SLC25A23: variants seen among roughly 807,000 people sequenced by gnomAD.
SLC25A23 encodes the protein solute carrier family 25 member 23.
In SLC25A23, 32 loss-of-function variants were observed where a neutral mutation model predicts 53.9. The ratio of observed to expected loss-of-function variants is 0.59; its 90% CI spans 0.45 to 0.80. The LOEUF is 0.80. SLC25A23 is among the 30% of genes least tolerant of loss of function. The pLI is 0.00. For missense variants in SLC25A23, 575 were observed against 651.4 expected (o/e 0.88, Z 1.28); for synonymous variants, 275 against 264.5 (o/e 1.04, Z -0.38).
In SLC25A23 at chr19:6,441,989, C is replaced by A. The variant is rs1599288975; in HGVS notation, c.1393G>T (p.Val465Phe). The change falls in exon 10 of 10, where the codon GTC (valine) becomes TTC (phenylalanine). Residue 465 changes from valine to phenylalanine, a missense_variant. By Grantham distance (50) the Val-to-Phe change is conservative (BLOSUM62 -1). Coordinates refer to ENST00000301454, the MANE Select transcript of SLC25A23 (RefSeq NM_024103.3). Reference protein sequence around the residue: ...VYENMKQALGVTSR With the variant: ...VYENMKQALGFTSR Reference sequence around the variant, plus strand: ...CTCCGGGTCCCTCACCTGGACGTGACCCCCAAGGCCTGCTTCATGTTCTCG... The same window carrying A: ...CTCCGGGTCCCTCACCTGGACGTGAACCCCAAGGCCTGCTTCATGTTCTCG... 2 of 1,613,666 alleles carry A rather than the reference C, an allele frequency of 1.2e-6. No homozygotes were observed. Among genetic ancestry groups the A allele is most frequent in the Non-Finnish European group, 1.7e-6 (2 of 1,179,856 alleles).
At chr19:6,452,909 C>T (rs2092612492) in intron 7 of SLC25A23, among the ~76,000 whole-genome samples, 1 of 152,208 alleles carries the variant, frequency 6.6e-6, no homozygotes, top group African/African-American at 2.4e-5. Context: ...TTTCAGCAAG[C>T]ACACAGCCAC....
chr19:6,458,561 C>T (rs1440809228), intron 1 of SLC25A23, among the ~76,000 whole-genome samples: 1 of 152,228 alleles, frequency 6.6e-6, no homozygotes, highest in Non-Finnish European at 1.5e-5. Context: ...AACTGAGGCT[C>T]TGCAAGGTCA....
rs1235304198 is a variant in SLC25A23, at chr19:6,444,374, C to T, written c.1072-73G>A. 78 of 1,476,274 alleles carry T rather than the reference C, an allele frequency of 5.3e-5. 1 individual carries two copies. Among genetic ancestry groups the T allele is most frequent in the East Asian group, 2.6e-4 (11 of 42,170 alleles). The allele number at this position is 1,476,274 out of a possible 1,614,324, so 91.4% of individuals were successfully genotyped here. A position where few individuals can be genotyped will look rare whatever the true frequency, so the allele number is the denominator to read the frequency against. On this transcript the variant is annotated intron_variant, in intron 8 of 9. Transcript: ENST00000301454. ...ACCCTGGCTTCAAAGGCCTGCTGGC[C>T]GGTTCTGTATCCCATGACAGGTGCT...
At chr19:6,443,064 G>A (rs911594953) in intron 9 of SLC25A23, among the ~76,000 whole-genome samples, 1 of 149,998 alleles carries the variant, frequency 6.7e-6, no homozygotes, top group Admixed American at 6.7e-5. Flanking sequence ...TCAGCCTCTC[G>A]AGTAGCTAAG....
Position 6,454,292 on chromosome 19 carries a change from C to T in SLC25A23, c.795+31G>A. The T allele has an allele frequency of 6.2e-7, 1 of 1,601,008 alleles. No homozygotes were observed. Among genetic ancestry groups the T allele is most frequent in the Non-Finnish European group, 8.5e-7 (1 of 1,172,262 alleles). ...ATGTACAGCCCAGTCTTCCCTATGGCAAGCACATTCCTCCCTGTACCTGCC... is the reference window on the plus strand; with the variant it reads ...ATGTACAGCCCAGTCTTCCCTATGGTAAGCACATTCCTCCCTGTACCTGCC... On this transcript the variant is annotated intron_variant, in intron 6 of 9. Transcript: ENST00000301454. This position sits in a 1 kb window ranked among gnomAD's most constrained non-coding sequence, Gnocchi z 4.3.
intron 4 of SLC25A23, 133 bp downstream of exon 4, chr19:6,456,287 G>T: frequency 1.0e-6 from 1 of 974,346 alleles, no homozygotes; most frequent in Non-Finnish European, 1.5e-6. Context: ...ACCCTCATCC[G>T]TCAGCTGCTG....
chr19:6,446,943 C>G (rs191110742), intron 8 of SLC25A23, among the ~76,000 whole-genome samples: 20 of 152,176 alleles, frequency 1.3e-4, no homozygotes, highest in Admixed American at 1.2e-3. Flanking sequence ...AGCCAGGTGA[C>G]AGCGGAGGCA....
Position 6,445,922 on chromosome 19 carries a change from C to A in SLC25A23, c.1072-1621G>T, listed in dbSNP as rs547429622. Among the ~76,000 whole-genome samples, 51 of 109,692 alleles carry A rather than the reference C, an allele frequency of 4.6e-4. 1 individual carries two copies. Among genetic ancestry groups the A allele is most frequent in the East Asian group, 2.1e-3 (11 of 5,126 alleles). 72.0% of individuals were successfully genotyped at this position (109,692 alleles called of 152,430 possible). ...ACAAACACACAAACAAACAAACAAA[C>A]AAAAAAAAACTGGATGTGATGGTGC... On this transcript the variant is annotated intron_variant, in intron 8 of 9. Coordinates refer to ENST00000301454, the MANE Select transcript of SLC25A23 (RefSeq NM_024103.3).
At chr19:6,455,309 C>G (rs1263614452) in intron 4 of SLC25A23, among the ~76,000 whole-genome samples, 1 of 152,126 alleles carries the variant, frequency 6.6e-6, no homozygotes, top group African/African-American at 2.4e-5. Context: ...AAATGAGATT[C>G]TACTGAAGGA....
At chr19:6,446,747 T>C (rs945629326) in intron 8 of SLC25A23, among the ~76,000 whole-genome samples, 1 of 152,222 alleles carries the variant, frequency 6.6e-6, no homozygotes, top group Admixed American at 6.5e-5. Context: ...GGTTGAATCA[T>C]GTCCCTCCTT....
chr19:6,438,407 A>C (rs1042176435), downstream of SLC25A23: 2 of 152,678 alleles, frequency 1.3e-5, no homozygotes, highest in African/African-American at 4.8e-5. Flanking sequence ...TGATGAGTCT[A>C]TCATAAACCA....
chr19:6,457,686 C>T, intron 2 of SLC25A23, 96 bp from the exon 3 acceptor site: 3 of 1,083,290 alleles, frequency 2.8e-6, no homozygotes, highest in Non-Finnish European at 4.2e-6. Context: ...TGGAGGTGGT[C>T]TAGCAAGATC....
At chr19:6,456,058 T>G (rs987653444) in intron 4 of SLC25A23, 5 of 1,332,596 alleles carry the variant, frequency 3.8e-6, no homozygotes, top group Non-Finnish European at 4.9e-6. Flanking sequence ...AGCCGTAGAA[T>G]CTTTTATCCA....
chr19:6,442,222 C>G, intron 9 of SLC25A23, 63 bp from the exon 10 acceptor site: 1 of 1,244,952 alleles, frequency 8.0e-7, no homozygotes, highest in Non-Finnish European at 1.1e-6. Flanking sequence ...CCCCCTCCTA[C>G]CCCCAGGGTT....
At chr19:6,456,312 T>C in intron 4 of SLC25A23, 108 bp downstream of exon 4, 1 of 1,151,074 alleles carries the variant, frequency 8.7e-7, no homozygotes, top group Non-Finnish European at 1.3e-6. Flanking sequence ...TGCCTTCTCC[T>C]TCTGGAAAGT....
Position 6,454,409 on chromosome 19 carries a change from C to A in SLC25A23, c.709G>T (p.Gly237Cys). The A allele has an allele frequency of 6.2e-7, 1 of 1,614,196 alleles. No homozygotes were observed. The highest frequency in any genetic ancestry group is 1.3e-5 in the African/African-American group (1 of 75,058). ...TTGCCGCGCCACAGGGAGCGGATGC[C>A]TCCCTCAAGGACCATGCTTCGAAGC... Reference protein sequence around the residue: ...GGLRSMVLEGGIRSLWRGNGI... With the variant: ...GGLRSMVLEGCIRSLWRGNGI... Residue 237 changes from glycine to cysteine, a missense_variant, in exon 6 of 10, where the codon GGC (glycine) becomes TGC (cysteine). Coordinates refer to ENST00000301454, the MANE Select transcript of SLC25A23 (RefSeq NM_024103.3). The surrounding 1 kb of genome is among the most constrained non-coding windows in gnomAD (Gnocchi z 4.3).
chr19:6,450,967 A>G (rs2092579041), intron 8 of SLC25A23, among the ~76,000 whole-genome samples: 1 of 151,288 alleles, frequency 6.6e-6, no homozygotes, highest in African/African-American at 2.4e-5. Context: ...AATCTCAGCT[A>G]CTCGGGAGGC....
chr19:6,439,438 C>G (rs1455105769), downstream of SLC25A23, among the ~76,000 whole-genome samples: 5 of 147,806 alleles, frequency 3.4e-5, no homozygotes, highest in Non-Finnish European at 6.0e-5. Context: ...CACACACAGA[C>G]ACACAAATTG....
chr19:6,449,034 A>G (rs1456649276), intron 8 of SLC25A23, among the ~76,000 whole-genome samples: 2 of 148,792 alleles, frequency 1.3e-5, no homozygotes, highest in Non-Finnish European at 3.0e-5. Flanking sequence ...AAAAAAAAAG[A>G]AAAAAAAAAG....
Sources: gnomAD v4.1 joint callset for allele counts (sites outside exome capture counted in the v4.1 genomes callset) on GRCh38, gnomAD v4.1.1 for gene constraint, Gnocchi (gnomAD v3.1) non-coding constraint, MANE v1.5 for transcripts, NCBI Gene and HGNC (gene_info 2026-07-23, HGNC 2026-07-21) for gene names.